The following ANKS1B variants were observed in gnomAD, a reference collection of about 807,000 sequenced individuals.
The protein encoded by ANKS1B is ankyrin repeat and sterile alpha motif domain-containing protein 1B.
A neutral mutation model predicts 148.3 loss-of-function variants in ANKS1B; 36 were observed. The observed-to-expected ratio is 0.24, with a 90% CI of 0.19 to 0.32. The LOEUF is 0.32. ANKS1B is among the 10% of genes least tolerant of loss of function. The pLI, the probability that ANKS1B is intolerant of heterozygous loss-of-function variation, is 1.00. For missense variants in ANKS1B, 1,157 were observed against 1,542.6 expected (o/e 0.75, Z 4.19); for synonymous variants, 542 against 560.8 (o/e 0.97, Z 0.47).
intron 26 of ANKS1B, 36 bp from the exon 27 acceptor site, chr12:98,745,885 C>A: frequency 1.9e-6 from 3 of 1,587,858 alleles, no homozygotes; most frequent in South Asian, 2.3e-5. Context: ...GTTATACGGT[C>A]GCCGCGCGGG....
intron 12 of ANKS1B, among the ~76,000 whole-genome samples, chr12:99,280,885 T>TCA (rs1179465603): frequency 1.7e-4 from 25 of 150,050 alleles, no homozygotes; most frequent in Non-Finnish European, 2.8e-4. Context: ...TCTCTCTCTC[T>TCA]CACACACACA....
At chr12:98,981,255 A>G (rs937633335) in intron 17 of ANKS1B, among the ~76,000 whole-genome samples, 6 of 152,006 alleles carry the variant, frequency 3.9e-5, no homozygotes, top group African/African-American at 1.4e-4. Context: ...CTCCCACCTC[A>G]GCCTCCTAAA....
intron 9 of ANKS1B, among the ~76,000 whole-genome samples, chr12:99,534,710 C>CTT (rs143251962): frequency 2.7e-4 from 33 of 123,800 alleles, no homozygotes; most frequent in Non-Finnish European, 3.0e-4. Flanking sequence ...TTTTTCTTTT[C>CTT]TTTTTTTTTT....
chr12:99,712,241 G>C (rs950087813), intron 8 of ANKS1B, among the ~76,000 whole-genome samples: 5 of 152,118 alleles, frequency 3.3e-5, no homozygotes, highest in Admixed American at 2.0e-4. Flanking sequence ...CAAGACCTTG[G>C]GGATGCAGAC....
intron 9 of ANKS1B, among the ~76,000 whole-genome samples, chr12:99,640,770 T>C (rs2098295329): frequency 6.6e-6 from 1 of 152,168 alleles, no homozygotes; most frequent in Admixed American, 6.5e-5. Context: ...AATGGATCAA[T>C]GGATAAATTG....
At chr12:99,301,058 T>C (rs1408490649) in intron 12 of ANKS1B, among the ~76,000 whole-genome samples, 1 of 152,142 alleles carries the variant, frequency 6.6e-6, no homozygotes, top group African/African-American at 2.4e-5. Flanking sequence ...GCCAATGGTG[T>C]AAGTCCGAGA....
At chr12:99,660,352 T>C (rs1295097572) in intron 8 of ANKS1B, among the ~76,000 whole-genome samples, 2 of 134,274 alleles carry the variant, frequency 1.5e-5, no homozygotes, top group South Asian at 5.5e-4. Context: ...TTTATCTTTC[T>C]TTTTCTTTTT....
chr12:99,733,301 G>A (rs2098217658), intron 8 of ANKS1B, among the ~76,000 whole-genome samples: 1 of 152,204 alleles, frequency 6.6e-6, no homozygotes, highest in African/African-American at 2.4e-5. Context: ...TGCCTCGTTA[G>A]GCTGGATCAA....
intron 12 of ANKS1B, among the ~76,000 whole-genome samples, chr12:99,373,701 TA>T (rs1389062475): frequency 6.6e-6 from 1 of 152,144 alleles, no homozygotes; most frequent in African/African-American, 2.4e-5. Flanking sequence ...GTTTTTTTTT[TA>T]AATCCTGCTT....
intron 15 of ANKS1B, among the ~76,000 whole-genome samples, chr12:99,107,300 C>A (rs1416711195): frequency 6.6e-6 from 1 of 152,098 alleles, no homozygotes; most frequent in Non-Finnish European, 1.5e-5. Flanking sequence ...CTTTGGGTTG[C>A]GGTGCCGTGT....
intron 14 of ANKS1B, among the ~76,000 whole-genome samples, chr12:99,225,273 C>A (rs566288120): frequency 2.0e-5 from 3 of 151,906 alleles, no homozygotes; most frequent in Admixed American, 6.6e-5. Context: ...TTTCTCTACA[C>A]GCCTTGATAA....
At chr12:99,177,196 C>T (rs1194057236) in intron 14 of ANKS1B, among the ~76,000 whole-genome samples, 6 of 152,160 alleles carry the variant, frequency 3.9e-5, no homozygotes, top group South Asian at 2.1e-4. Context: ...AACTCCTTTA[C>T]GAAAACGTCC....
At chr12:99,609,552 A>AC (rs2097882070) in intron 9 of ANKS1B, among the ~76,000 whole-genome samples, 1 of 151,876 alleles carries the variant, frequency 6.6e-6, no homozygotes, top group African/African-American at 2.4e-5. Context: ...TATAAGAAAA[A>AC]AAAAAAAATC....
chr12:99,677,925 A>T (rs2098589555), intron 8 of ANKS1B, among the ~76,000 whole-genome samples: 2 of 152,342 alleles, frequency 1.3e-5, no homozygotes, highest in South Asian at 4.1e-4. Context: ...GTGAGCTGAG[A>T]CTGCACCACT....
Position 98,745,714 on chromosome 12 carries a change from C to T in ANKS1B, c.*25G>A. On this transcript the variant is annotated 3_prime_UTR_variant, in exon 27 of 27. Transcript: ENST00000683438. Reference sequence around the variant, plus strand: ...CGGGACCGCTTGGCGAGCAAGGCACCGCGAGGACAGGAGGACGGCGAGTAT... The same window carrying T: ...CGGGACCGCTTGGCGAGCAAGGCACTGCGAGGACAGGAGGACGGCGAGTAT... 6 of 1,611,218 alleles carry T rather than the reference C, an allele frequency of 3.7e-6. No homozygotes were observed. The highest frequency in any genetic ancestry group is 4.2e-6 in the Non-Finnish European group (5 of 1,178,512).
At chr12:99,427,871 A>T (rs542115826) in intron 11 of ANKS1B, among the ~76,000 whole-genome samples, 1 of 152,302 alleles carries the variant, frequency 6.6e-6, no homozygotes, top group African/African-American at 2.4e-5. Context: ...AGGGAAATGC[A>T]TTCTAGACTG....
intron 10 of ANKS1B, among the ~76,000 whole-genome samples, chr12:99,483,967 CTCTTA>C (rs1378034275): frequency 6.6e-6 from 1 of 151,608 alleles, no homozygotes; most frequent in Non-Finnish European, 1.5e-5. Context: ...TTTCATTAAT[CTCTTA>C]TATTTATTTG....
intron 8 of ANKS1B, among the ~76,000 whole-genome samples, chr12:99,682,357 G>A (rs959532501): frequency 1.3e-5 from 2 of 152,114 alleles, no homozygotes; most frequent in African/African-American, 4.8e-5. Flanking sequence ...GACCATATAT[G>A]ATAGGCCACA....
intron 1 of ANKS1B, among the ~76,000 whole-genome samples, chr12:99,947,806 GCAAATAGGACTGAAGTCCC>G (rs374843188): frequency 1.4e-4 from 21 of 152,100 alleles, no homozygotes; most frequent in African/African-American, 4.8e-4. Context: ...GTTCCACACA[GCAAATAGGACTGAAGTCCC>G]CATTTCCTTG....
Sources: allele counts gnomAD v4.1 joint callset (sites outside exome capture counted in the v4.1 genomes callset), GRCh38; gene constraint gnomAD v4.1.1; transcripts MANE v1.5; gene names NCBI Gene and HGNC (gene_info 2026-07-23, HGNC 2026-07-21).